Variants in CCDC60 observed in about 807,000 individuals in gnomAD.
CCDC60 encodes the protein coiled-coil domain containing 60, also known as coiled-coil domain-containing protein 60.
A neutral mutation model predicts 63.5 loss-of-function variants in CCDC60; 54 were observed. The observed-to-expected ratio is 0.85, with a 90% CI of 0.68 to 1.07. The LOEUF (loss-of-function observed/expected upper bound fraction) is 1.07. Among genes scored for constraint, CCDC60 ranks in the 50% least tolerant of loss-of-function variants. CCDC60 has a pLI of 0.00. For synonymous variants in CCDC60, 206 were observed against 238.8 expected (o/e 0.86, Z 1.27); for missense variants, 651 against 684.3 (o/e 0.95, Z 0.54).
chr12:119,536,308 C>T (rs919726354), intron 13 of CCDC60, among the ~76,000 whole-genome samples: 1 of 152,134 alleles, frequency 6.6e-6, no homozygotes, highest in African/African-American at 2.4e-5. Flanking sequence ...CTATGTGTGT[C>T]TCTGCACGTG....
At chr12:119,445,535 C>A (rs1950529156) in intron 2 of CCDC60, among the ~76,000 whole-genome samples, 1 of 145,132 alleles carries the variant, frequency 6.9e-6, no homozygotes, top group South Asian at 2.2e-4. Flanking sequence ...AAGCAGGCTG[C>A]AAAGTGTTGA....
chr12:119,403,447 G>T (rs548355752), intron 1 of CCDC60, among the ~76,000 whole-genome samples: 1 of 152,080 alleles, frequency 6.6e-6, no homozygotes, highest in Non-Finnish European at 1.5e-5. Flanking sequence ...GGAGCATAAC[G>T]TCGAGCTTTA....
At chr12:119,539,014 C>T (rs1273292567) in intron 13 of CCDC60, among the ~76,000 whole-genome samples, 1 of 152,186 alleles carries the variant, frequency 6.6e-6, no homozygotes, top group African/African-American at 2.4e-5. Context: ...TGGGTATCAC[C>T]AGTGGAGGCT....
intron 1 of CCDC60, among the ~76,000 whole-genome samples, chr12:119,409,390 C>T (rs971170392): frequency 6.6e-6 from 1 of 152,108 alleles, no homozygotes; most frequent in Non-Finnish European, 1.5e-5. Flanking sequence ...CACCACCCCC[C>T]AACCCCCAGC....
chr12:119,341,592 G>T (rs941357838), intron 1 of CCDC60, among the ~76,000 whole-genome samples: 2 of 152,208 alleles, frequency 1.3e-5, no homozygotes, highest in African/African-American at 4.8e-5. Flanking sequence ...TACCCAGTTA[G>T]CCTCCACTAA....
intron 5 of CCDC60, among the ~76,000 whole-genome samples, chr12:119,498,135 G>A (rs1951755957): frequency 6.6e-6 from 1 of 152,096 alleles, no homozygotes; most frequent in South Asian, 2.1e-4. Flanking sequence ...TATTTGGACT[G>A]GGAAAAGCCT....
chr12:119,513,424 T>C (rs866288647), intron 7 of CCDC60, among the ~76,000 whole-genome samples: 3 of 152,316 alleles, frequency 2.0e-5, no homozygotes, highest in Middle Eastern at 3.4e-3. Flanking sequence ...TAGGAGAGAA[T>C]AGTTCTCTCC....
chr12:119,384,205 A>AAG (rs112386960), intron 1 of CCDC60, among the ~76,000 whole-genome samples: 2 of 151,806 alleles, frequency 1.3e-5, no homozygotes, highest in East Asian at 1.9e-4. Context: ...CAAAAAAAAA[A>AAG]AGAGAGAGAG....
At chr12:119,360,711 G>A (rs1186001688) in intron 1 of CCDC60, among the ~76,000 whole-genome samples, 4 of 152,002 alleles carry the variant, frequency 2.6e-5, no homozygotes, top group Admixed American at 6.5e-5. Context: ...GGGAAGAGGC[G>A]CTCCTCACTT....
At chr12:119,518,085 T>A (rs975578757) in intron 8 of CCDC60, among the ~76,000 whole-genome samples, 27 of 152,182 alleles carry the variant, frequency 1.8e-4, no homozygotes, top group African/African-American at 6.5e-4. Flanking sequence ...TCGCCTCTGC[T>A]TGTGAATGAT....
chr12:119,519,981 C>G, intron 8 of CCDC60, 140 bp from the exon 9 acceptor site: 1 of 726,748 alleles, frequency 1.4e-6, no homozygotes, highest in Non-Finnish European at 2.3e-6. Context: ...TCATAGCAAA[C>G]TCTCCAGGTG....
At chr12:119,504,939 A>AT (rs1951950552) in intron 6 of CCDC60, 130 bp from the exon 7 acceptor site, 1 of 630,258 alleles carries the variant, frequency 1.6e-6, no homozygotes. Flanking sequence ...GCCAGAAGGA[A>AT]TTCACAGTCA....
intron 3 of CCDC60, among the ~76,000 whole-genome samples, chr12:119,478,647 A>T (rs1951232563): frequency 8.5e-6 from 1 of 117,718 alleles, no homozygotes; most frequent in South Asian, 2.7e-4. Context: ...TCACTCTGTC[A>T]CCCAGGCTGG....
At chr12:119,501,335 C>A (rs1355616850) in intron 6 of CCDC60, among the ~76,000 whole-genome samples, 3 of 152,160 alleles carry the variant, frequency 2.0e-5, no homozygotes, top group Non-Finnish European at 4.4e-5. Flanking sequence ...CTCTTAATAA[C>A]CCTATGGGGC....
At chr12:119,352,811 G>A (rs910328174) in intron 1 of CCDC60, among the ~76,000 whole-genome samples, 1 of 152,090 alleles carries the variant, frequency 6.6e-6, no homozygotes, top group Non-Finnish European at 1.5e-5. Flanking sequence ...GTGGTGGTAG[G>A]TACCTGTGAT....
intron 9 of CCDC60, among the ~76,000 whole-genome samples, chr12:119,521,865 T>C (rs555166327): frequency 6.6e-6 from 1 of 152,332 alleles, no homozygotes; most frequent in South Asian, 2.1e-4. Flanking sequence ...CTGGTTGGAA[T>C]CCAAAATCAA....
chr12:119,448,539 A>AAG (rs1196258361), intron 2 of CCDC60, among the ~76,000 whole-genome samples: 1 of 152,190 alleles, frequency 6.6e-6, no homozygotes, highest in East Asian at 1.9e-4. Context: ...AGTAACTATC[A>AAG]AGAGCATGAT....
intron 4 of CCDC60, among the ~76,000 whole-genome samples, chr12:119,487,579 G>A (rs774573789): frequency 6.6e-6 from 1 of 152,010 alleles, no homozygotes; most frequent in Non-Finnish European, 1.5e-5. Context: ...TTACAAGAGT[G>A]AGCCACCGTG....
In CCDC60 at chr12:119,455,942, AGAG is replaced by A. The variant is rs1566019225; in HGVS notation, c.171-16051_171-16049del. On this transcript the variant is annotated intron_variant, in intron 2 of 13. Coordinates refer to ENST00000327554, the MANE Select transcript of CCDC60 (RefSeq NM_178499.5). ...GGAGGAAAGAAAGAAAGAGAAAGAG[AGAG>A]AAAGGAAGGAAGGAGGGAGGGGAGG... Among the ~76,000 whole-genome samples the A allele has an allele frequency of 6.0e-4, 19 of 31,528 alleles. 1 individual carries two copies. The South Asian group carries it at 0.042, about 69-fold the overall frequency. The allele number at this position is 31,528 out of a possible 152,430, so 20.7% of individuals were successfully genotyped here.
Sources: gnomAD v4.1 joint callset for allele counts (sites outside exome capture counted in the v4.1 genomes callset) on GRCh38, gnomAD v4.1.1 for gene constraint, MANE v1.5 for transcripts, NCBI Gene and HGNC (gene_info 2026-07-23, HGNC 2026-07-21) for gene names.